Variants in AGPAT2 observed in about 807,000 individuals in gnomAD.
AGPAT2 encodes the protein 1-acyl-sn-glycerol-3-phosphate acyltransferase beta.
A neutral mutation model predicts 26.1 loss-of-function variants in AGPAT2; 18 were observed. That is an observed-to-expected ratio of 0.69 (90% CI 0.48 to 1.02). AGPAT2 has a LOEUF of 1.02. Ranked by LOEUF, AGPAT2 falls within the 50% of genes least tolerant of loss-of-function variation. The pLI is 0.00. For synonymous variants in AGPAT2, 200 were observed against 174.2 expected (o/e 1.15, Z -1.16); for missense variants, 415 against 394.9 (o/e 1.05, Z -0.43).
chr9:136,681,174 G>A lies in AGPAT2; in HGVS notation c.183-3618C>T, dbSNP rs1487351857. Reference sequence around the variant, plus strand: ...ACTGATACTTCTCTCAGCTGTGAAAGACACGGGGTACAAACCCCCGCCCAG... The same window carrying A: ...ACTGATACTTCTCTCAGCTGTGAAAAACACGGGGTACAAACCCCCGCCCAG... On this transcript the variant is annotated intron_variant, in intron 1 of 5. Coordinates refer to ENST00000371696, the MANE Select transcript of AGPAT2 (RefSeq NM_006412.4). Among the ~76,000 whole-genome samples the A allele has an allele frequency of 2.7e-5, 4 of 149,930 alleles. No individual in the cohort carries two copies. The East Asian group carries it at 7.9e-4, about 29-fold the overall frequency.
intron 1 of AGPAT2, among the ~76,000 whole-genome samples, chr9:136,686,515 C>T (rs72777546): frequency 0.01 from 1,540 of 152,352 alleles, 15 homozygotes; most frequent in Non-Finnish European, 0.016. Flanking sequence ...AAAATTTCAG[C>T]CCCGCCGAAC....
chr9:136,687,325 C>G lies in AGPAT2; in HGVS notation c.33G>C (p.Leu11=). The G allele has an allele frequency of 6.4e-7, 1 of 1,565,430 alleles. No homozygotes were observed. The highest frequency in any genetic ancestry group is 8.6e-7 in the Non-Finnish European group (1 of 1,162,634). Reference sequence around the variant, plus strand: ...GCTGCACCAGCAGCAGCAGCAACAGCAGCGCCGCGGCCAGACACGGCCACA... The same window carrying G: ...GCTGCACCAGCAGCAGCAGCAACAGGAGCGCCGCGGCCAGACACGGCCACA... MELWPCLAAA[L]LLLLLLVQLS... The change falls in exon 1 of 6, where the codon CTG becomes CTC. Residue 11 remains leucine, a synonymous_variant. Coordinates refer to ENST00000371696, the MANE Select transcript of AGPAT2 (RefSeq NM_006412.4).
chr9:136,677,286 C>G, intron 2 of AGPAT2, 137 bp downstream of exon 2: 1 of 1,511,058 alleles, frequency 6.6e-7, no homozygotes, highest in Non-Finnish European at 9.0e-7. Context: ...TGTGTCTGGC[C>G]CTGAGGGAGG....
chr9:136,681,956 G>C (rs990869030), intron 1 of AGPAT2, among the ~76,000 whole-genome samples: 1 of 152,120 alleles, frequency 6.6e-6, no homozygotes, highest in Non-Finnish European at 1.5e-5. Flanking sequence ...AAAGCCTCGA[G>C]ACAAGGGCTC....
chr9:136,673,841 G>GGTGGCAGGT lies in AGPAT2; in HGVS notation c.739_747dup (p.Thr247_His249dup), dbSNP rs1588260921. The GGTGGCAGGT allele has an allele frequency of 6.2e-7, 1 of 1,605,870 alleles. No homozygotes were observed. Among genetic ancestry groups the GGTGGCAGGT allele is most frequent in the Non-Finnish European group, 8.5e-7 (1 of 1,177,818 alleles). On this transcript the variant is annotated inframe_insertion, in exon 6 of 6. Coordinates refer to ENST00000371696, the MANE Select transcript of AGPAT2 (RefSeq NM_006412.4). ...TGGAGGAAGGTGGTCCTCATGGCCCGGTGGCAGGTGTCCACGAGCGCAGGG... is the reference window on the plus strand; with the variant it reads ...TGGAGGAAGGTGGTCCTCATGGCCCGGTGGCAGGTGTGGCAGGTGTCCACGAGCGCAGGG...
Position 136,674,042 on chromosome 9 carries a change from G to A in AGPAT2, c.662-115C>T, listed in dbSNP as rs561521361. 7 of 1,057,470 alleles carry A rather than the reference G, an allele frequency of 6.6e-6. No homozygotes were observed. In the South Asian group the frequency reaches 1.4e-4, roughly 21 times the overall value. 65.5% of individuals were successfully genotyped at this position (1,057,470 alleles called of 1,614,324 possible). A position where few individuals can be genotyped will look rare whatever the true frequency, so the allele number is the denominator to read the frequency against. On this transcript the variant is annotated intron_variant, in intron 5 of 5. Coordinates refer to ENST00000371696, the MANE Select transcript of AGPAT2 (RefSeq NM_006412.4). ...CACAGCCCCTCCCTGGGAAGCCCGA[G>A]GCCGGGCTCTTCCCCTGGACTCCCT...
chr9:136,676,015 G>A lies in AGPAT2; in HGVS notation c.588+570C>T, dbSNP rs1259158654. On this transcript the variant is annotated intron_variant, in intron 4 of 5. Coordinates refer to ENST00000371696, the MANE Select transcript of AGPAT2 (RefSeq NM_006412.4). ...CTGACGCAACTCTTCCCAGCACAGC[G>A]GCAGAGGCAGGACAGGTGCTGGGGG... Among the ~76,000 whole-genome samples the A allele has an allele frequency of 2.0e-5, 3 of 152,266 alleles. 1 individual carries two copies. Among genetic ancestry groups the A allele is most frequent in the African/African-American group, 7.2e-5 (3 of 41,554 alleles).
intron 1 of AGPAT2, among the ~76,000 whole-genome samples, chr9:136,679,944 G>A (rs1040696953): frequency 3.9e-5 from 6 of 152,258 alleles, no homozygotes; most frequent in South Asian, 2.1e-4. Flanking sequence ...TGAGAAGCCT[G>A]TGGTGCTGAA....
chr9:136,680,790 G>A (rs1305959978), intron 1 of AGPAT2, among the ~76,000 whole-genome samples: 1 of 151,626 alleles, frequency 6.6e-6, no homozygotes, highest in East Asian at 1.9e-4. Context: ...CCTCAGCCTA[G>A]CAAGTAGTTG....
intron 4 of AGPAT2, 56 bp downstream of exon 4, chr9:136,676,529 G>T: frequency 2.0e-6 from 3 of 1,466,608 alleles, no homozygotes; most frequent in Non-Finnish European, 2.8e-6. Flanking sequence ...CCTTAAGCCA[G>T]CCTGACCCCG....
intron 4 of AGPAT2, among the ~76,000 whole-genome samples, chr9:136,675,894 C>CCAGG (rs1426315197): frequency 6.6e-6 from 1 of 152,200 alleles, no homozygotes; most frequent in East Asian, 1.9e-4. Context: ...TTGCACAGGG[C>CCAGG]CAGGCACTGG....
chr9:136,685,975 C>T (rs775124588), intron 1 of AGPAT2, among the ~76,000 whole-genome samples: 9 of 152,352 alleles, frequency 5.9e-5, no homozygotes, highest in Admixed American at 4.6e-4. Context: ...CTGGAGTGTG[C>T]GCTCCCCGGG....
intron 1 of AGPAT2, among the ~76,000 whole-genome samples, chr9:136,681,539 C>T (rs910878330): frequency 1.3e-5 from 2 of 152,220 alleles, no homozygotes; most frequent in Non-Finnish European, 2.9e-5. Flanking sequence ...GGGTGGCTCA[C>T]GCCTGTAATC....
intron 1 of AGPAT2, among the ~76,000 whole-genome samples, chr9:136,683,276 A>G (rs887275501): frequency 6.6e-6 from 1 of 152,118 alleles, no homozygotes; most frequent in African/African-American, 2.4e-5. Context: ...AATGTGCCTA[A>G]GCCCCCAATC....
chr9:136,676,533 G>T, intron 4 of AGPAT2, 52 bp downstream of exon 4: 1 of 1,493,000 alleles, frequency 6.7e-7, no homozygotes, highest in South Asian at 1.1e-5. Context: ...AAGCCAGCCT[G>T]ACCCCGCCTC....
At chr9:136,686,882 C>G (rs1846228003) in intron 1 of AGPAT2, among the ~76,000 whole-genome samples, 1 of 152,274 alleles carries the variant, frequency 6.6e-6, no homozygotes, top group South Asian at 2.1e-4. Context: ...CCCCCGGAAC[C>G]CCACGCCGGG....
intron 1 of AGPAT2, among the ~76,000 whole-genome samples, chr9:136,683,934 G>A (rs1442887314): frequency 6.6e-6 from 1 of 152,226 alleles, no homozygotes; most frequent in African/African-American, 2.4e-5. Context: ...GACATCCCAA[G>A]TCCCCTGTGC....
intron 1 of AGPAT2, among the ~76,000 whole-genome samples, chr9:136,679,885 T>C (rs950349062): frequency 2.6e-5 from 4 of 152,216 alleles, no homozygotes; most frequent in Non-Finnish European, 4.4e-5. Flanking sequence ...TGAGGAAACC[T>C]GGCCCCTCCC....
intron 2 of AGPAT2, 88 bp downstream of exon 2, chr9:136,677,335 G>A (rs1846105377): frequency 1.8e-5 from 29 of 1,598,280 alleles, no homozygotes; most frequent in Non-Finnish European, 2.4e-5. Flanking sequence ...GCAGCCCTGT[G>A]TCCTCGTCCC....
Sources: gnomAD v4.1 joint callset for allele counts (sites outside exome capture counted in the v4.1 genomes callset) on GRCh38, gnomAD v4.1.1 for gene constraint, MANE v1.5 for transcripts, NCBI Gene and HGNC (gene_info 2026-07-23, HGNC 2026-07-21) for gene names.